The following ARFIP1 variants were observed in gnomAD, a reference collection of about 807,000 sequenced individuals.
ARFIP1 encodes ARF interacting protein 1.
Under a neutral mutation model 42.5 loss-of-function variants are expected in ARFIP1, and 24 were observed. The observed-to-expected ratio is 0.57, with a 90% CI of 0.41 to 0.80. ARFIP1 has a LOEUF of 0.80. Ranked by LOEUF, ARFIP1 falls within the 30% of genes least tolerant of loss-of-function variation. The pLI, the probability that ARFIP1 is intolerant of heterozygous loss-of-function variation, is 0.00. For missense variants in ARFIP1, 354 were observed against 434.0 expected (o/e 0.82, Z 1.64); for synonymous variants, 141 against 153.7 (o/e 0.92, Z 0.61).
At chr4:152,841,781 T>C (rs530318874) in intron 2 of ARFIP1, among the ~76,000 whole-genome samples, 1 of 152,288 alleles carries the variant, frequency 6.6e-6, no homozygotes, top group Admixed American at 6.5e-5. Context: ...AGGTTTTCCT[T>C]TATAGGTAAC....
chr4:152,866,080 C>T (rs1200640452), intron 3 of ARFIP1, among the ~76,000 whole-genome samples: 1 of 151,988 alleles, frequency 6.6e-6, no homozygotes, highest in Admixed American at 6.5e-5. Context: ...TCTTAACGAG[C>T]ATGTTGCCTT....
chr4:152,858,435 C>T (rs1323667424), intron 2 of ARFIP1, among the ~76,000 whole-genome samples: 1 of 152,142 alleles, frequency 6.6e-6, no homozygotes, highest in Non-Finnish European at 1.5e-5. Flanking sequence ...GCACCATGTT[C>T]AATTTTTATG....
At chr4:152,821,905 C>T (rs1029130501) in intron 1 of ARFIP1, among the ~76,000 whole-genome samples, 17 of 152,122 alleles carry the variant, frequency 1.1e-4, no homozygotes, top group African/African-American at 4.1e-4. Flanking sequence ...AGTCTCAAGA[C>T]AAGCAAATGC....
Position 152,803,454 on chromosome 4 carries a change from C to T in ARFIP1, c.-10+23228C>T, listed in dbSNP as rs556382761. 1.6e-3 allele frequency among the ~76,000 whole-genome samples: 239 copies of T among 152,254 alleles called. 1 individual carries two copies. The highest frequency in any genetic ancestry group is 0.015 in the South Asian group (71 of 4,828). On this transcript the variant is annotated intron_variant, in intron 1 of 8. Transcript: ENST00000353617. ...AACAGCATTGTACAATGTTTTCCAG[C>T]ATCTCTGGCCTCTGCCTTCAAAATG...
At chr4:152,890,671 G>A (rs556028804) in intron 8 of ARFIP1, among the ~76,000 whole-genome samples, 2 of 152,174 alleles carry the variant, frequency 1.3e-5, no homozygotes, top group East Asian at 1.9e-4. Context: ...TAAAGGATTG[G>A]GAATTTTTTC....
At chr4:152,782,990 G>T (rs1730590956) in intron 1 of ARFIP1, among the ~76,000 whole-genome samples, 1 of 152,040 alleles carries the variant, frequency 6.6e-6, no homozygotes, top group Admixed American at 6.5e-5. Context: ...CCTCACTTGG[G>T]GGAGCAGTCA....
At chr4:152,907,470 A>T (rs1228677443) in intron 8 of ARFIP1, among the ~76,000 whole-genome samples, 2 of 152,226 alleles carry the variant, frequency 1.3e-5, no homozygotes, top group African/African-American at 2.4e-5. Context: ...CTTTTGAAAC[A>T]TCCTTTGTGC....
At chr4:152,865,637 A>G (rs1038832945) in intron 3 of ARFIP1, among the ~76,000 whole-genome samples, 3 of 152,280 alleles carry the variant, frequency 2.0e-5, no homozygotes, top group Non-Finnish European at 4.4e-5. Context: ...ATGTTTAGAA[A>G]AATAAAGGGA....
At chr4:152,891,743 A>T (rs1736868387) in intron 8 of ARFIP1, among the ~76,000 whole-genome samples, 1 of 151,924 alleles carries the variant, frequency 6.6e-6, no homozygotes, top group South Asian at 2.1e-4. Flanking sequence ...GAGTCTCGCT[A>T]TGTTGCCCAG....
chr4:152,910,161 T>C lies in ARFIP1; in HGVS notation c.1064T>C (p.Phe355Ser), dbSNP rs1314298725. ...QKQLEQTLKQ[F>S]HIKLKTPGVD... ...CAGCTTGAACAGACACTTAAACAGT[T>C]CCATATCAAATTGAAAACCCCTGGA... is the stretch of plus-strand genomic sequence containing the variant. Residue 355 changes from phenylalanine (F) to serine (S), a missense_variant, in exon 9 of 9, where the codon TTC (phenylalanine) becomes TCC (serine). Phe to Ser is a radical substitution (Grantham distance 155). Coordinates refer to ENST00000353617, the MANE Select transcript of ARFIP1 (RefSeq NM_001025595.3). 6.2e-7 allele frequency: 1 copy of C among 1,614,132 alleles called. No individual in the cohort carries two copies. Among genetic ancestry groups the C allele is most frequent in the East Asian group, 2.2e-5 (1 of 44,886 alleles).
chr4:152,889,778 A>G (rs1373212582), intron 8 of ARFIP1, among the ~76,000 whole-genome samples: 1 of 22,464 alleles, frequency 4.5e-5, no homozygotes. Flanking sequence ...TATATACTAT[A>G]TATACTATAT....
In ARFIP1 at chr4:152,881,063, A is replaced by T; in HGVS notation, c.512A>T (p.Lys171Ile). The T allele has an allele frequency of 6.2e-7, 1 of 1,613,868 alleles. No homozygotes were observed. The highest frequency in any genetic ancestry group is 8.5e-7 in the Non-Finnish European group (1 of 1,179,798). ...GATATATTAAGGGATAACAAGAAAA[A>T]ATATGAAAATATTTTAAAACTGGCT... ...QIDILRDNKK[K>I]YENILKLAQT... Residue 171 changes from lysine (K) to isoleucine (I), a missense_variant, in exon 6 of 9, where the codon AAA (lysine) becomes ATA (isoleucine). By Grantham distance (102) the Lys-to-Ile change is moderately radical. Transcript: ENST00000353617.
At chr4:152,800,122 A>G (rs62319862) in intron 1 of ARFIP1, among the ~76,000 whole-genome samples, 6,610 of 152,290 alleles carry the variant, frequency 0.043, 175 homozygotes, top group South Asian at 0.11. Flanking sequence ...TTATCCTCCA[A>G]TTTAAAAGCA....
At chr4:152,808,681 G>A (rs1421754930) in intron 1 of ARFIP1, among the ~76,000 whole-genome samples, 1 of 152,164 alleles carries the variant, frequency 6.6e-6, no homozygotes, top group Non-Finnish European at 1.5e-5. Context: ...GCCTTCTAAT[G>A]GGTGTATAAT....
intron 8 of ARFIP1, among the ~76,000 whole-genome samples, chr4:152,904,110 T>C: frequency 6.6e-6 from 1 of 150,988 alleles, no homozygotes; most frequent in East Asian, 1.9e-4. Context: ...GTCTGTTACA[T>C]AGGTAAACGT....
intron 2 of ARFIP1, among the ~76,000 whole-genome samples, chr4:152,853,166 C>G (rs1733135019): frequency 6.6e-6 from 1 of 152,136 alleles, no homozygotes; most frequent in Non-Finnish European, 1.5e-5. Flanking sequence ...TTGTTCCTTT[C>G]TTTTTGCCTG....
chr4:152,868,185 G>A (rs1198877930), intron 3 of ARFIP1, among the ~76,000 whole-genome samples: 2 of 152,038 alleles, frequency 1.3e-5, no homozygotes, highest in African/African-American at 2.4e-5. Flanking sequence ...TATTGAAATC[G>A]GCCTAGCACC....
intron 2 of ARFIP1, among the ~76,000 whole-genome samples, chr4:152,841,211 T>G (rs1311903363): frequency 1.3e-5 from 2 of 152,004 alleles, no homozygotes; most frequent in Non-Finnish European, 2.9e-5. Flanking sequence ...AATTTTTGTA[T>G]TTTTAGTAGA....
intron 1 of ARFIP1, among the ~76,000 whole-genome samples, chr4:152,794,383 G>C (rs1370590679): frequency 6.6e-6 from 1 of 152,116 alleles, no homozygotes; most frequent in African/African-American, 2.4e-5. Context: ...AGGTTTGTCT[G>C]ATGTTTTCTC....
Sources: allele counts gnomAD v4.1 joint callset (sites outside exome capture counted in the v4.1 genomes callset), GRCh38; gene constraint gnomAD v4.1.1; transcripts MANE v1.5; gene names NCBI Gene and HGNC (gene_info 2026-07-23, HGNC 2026-07-21).